FOXN4: variants seen among roughly 807,000 people sequenced by gnomAD.
FOXN4 encodes the protein forkhead box N4.
A neutral mutation model predicts 45.0 loss-of-function variants in FOXN4; 12 were observed. That is an observed-to-expected ratio of 0.27 (90% confidence interval 0.17 to 0.43). The LOEUF (loss-of-function observed/expected upper bound fraction) is 0.43. Among genes scored for constraint, FOXN4 ranks in the 20% least tolerant of loss-of-function variants. FOXN4 has a pLI of 1.00. For synonymous variants in FOXN4, 297 were observed against 295.0 expected (o/e 1.01, Z -0.07); for missense variants, 560 against 694.9 (o/e 0.81, Z 2.18).
chr12:109,284,428 G>A (rs895572306), intron 8 of FOXN4, among the ~76,000 whole-genome samples: 4 of 149,458 alleles, frequency 2.7e-5, no homozygotes, highest in African/African-American at 1.0e-4. Context: ...AGGGGCGCGT[G>A]GTGTGTGTGT....
Position 109,279,567 on chromosome 12 carries a change from G to A in FOXN4, c.*104C>T, listed in dbSNP as rs1376778204. On this transcript the variant is annotated 3_prime_UTR_variant, in exon 10 of 10. Transcript: ENST00000299162. The stretch of plus-strand genomic sequence containing the variant: ...GCAACTTCGCCACAGGTCCAGGAGA[G>A]GCTTCGGGGACAATGAGGGACCTGC... The A allele has an allele frequency of 1.3e-6, 2 of 1,493,582 alleles. No homozygotes were observed. Among genetic ancestry groups the A allele is most frequent in the Admixed American group, 2.0e-5 (1 of 49,002 alleles). The allele number at this position is 1,493,582 out of a possible 1,614,324, so 92.5% of individuals were successfully genotyped here.
chr12:109,298,352 T>G (rs963879176), intron 2 of FOXN4, among the ~76,000 whole-genome samples: 6 of 151,620 alleles, frequency 4.0e-5, no homozygotes, highest in African/African-American at 1.2e-4. Flanking sequence ...TTGTTTTTTT[T>G]TTTTGCTTTG....
chr12:109,308,439 CTTTT>C (rs962005471), intron 1 of FOXN4, 115 bp from the exon 2 acceptor site: 1 of 618,670 alleles, frequency 1.6e-6, no homozygotes, highest in African/African-American at 1.9e-5. Flanking sequence ...TCACAGAACA[CTTTT>C]TTTTTCTTTA....
At chr12:109,296,036 C>T (rs940135446) in intron 2 of FOXN4, among the ~76,000 whole-genome samples, 1 of 152,144 alleles carries the variant, frequency 6.6e-6, no homozygotes, top group Non-Finnish European at 1.5e-5. Flanking sequence ...GATAAGTGCC[C>T]ATCCTCTCCT....
At position 109,288,225 on chromosome 12, in the gene FOXN4, T is replaced by C; in HGVS notation, c.233-45A>G. On this transcript the variant is annotated intron_variant, in intron 3 of 9. Coordinates refer to ENST00000299162, the MANE Select transcript of FOXN4 (RefSeq NM_213596.3). This position sits in a 1 kb window ranked among gnomAD's most constrained non-coding sequence, Gnocchi z 4.3. ...AGACGCTGCTGGGCTGGAGGAATGG[T>C]GGCTGCCACCAGGAACAGCCCAGTG... 4 of 1,532,196 alleles carry C rather than the reference T, an allele frequency of 2.6e-6. No individual in the cohort carries two copies. Among genetic ancestry groups the C allele is most frequent in the Non-Finnish European group, 3.5e-6 (4 of 1,142,948 alleles). 94.9% of individuals were successfully genotyped at this position (1,532,196 alleles called of 1,614,324 possible).
intron 2 of FOXN4, among the ~76,000 whole-genome samples, chr12:109,302,858 C>A (rs1414592105): frequency 6.6e-6 from 1 of 152,208 alleles, no homozygotes; most frequent in Non-Finnish European, 1.5e-5. Flanking sequence ...GAAACTGTTA[C>A]ATCACTGAAA....
intron 2 of FOXN4, among the ~76,000 whole-genome samples, chr12:109,294,768 C>A (rs923114014): frequency 6.6e-5 from 2 of 30,340 alleles, no homozygotes; most frequent in Admixed American, 7.0e-4. Context: ...ATCCCCCAAC[C>A]CCCTGCCCAC....
chr12:109,295,346 C>T (rs1411252236), intron 2 of FOXN4, among the ~76,000 whole-genome samples: 1 of 152,236 alleles, frequency 6.6e-6, no homozygotes, highest in Non-Finnish European at 1.5e-5. Flanking sequence ...CCTCCCAAGG[C>T]CTGTTCTGCT....
At chr12:109,300,780 A>T (rs1285744961) in intron 2 of FOXN4, among the ~76,000 whole-genome samples, 1 of 152,092 alleles carries the variant, frequency 6.6e-6, no homozygotes, top group Non-Finnish European at 1.5e-5. Context: ...ATGGTGATGC[A>T]GGCCTGTGGT....
chr12:109,304,270 AGAAAGAAAGAAAGAAAGAAAGAAAG>A (rs1226832228), intron 2 of FOXN4, among the ~76,000 whole-genome samples: 7,862 of 100,264 alleles, frequency 0.078, 542 homozygotes, highest in Middle Eastern at 0.13. Flanking sequence ...AAAGAAAGAA[AGAAAGAAAGAAAGAAAGAAAGAAAG>A]GAGAAAGAAA....
intron 9 of FOXN4, 132 bp downstream of exon 9, chr12:109,281,275 G>T: frequency 1.5e-6 from 2 of 1,307,346 alleles, no homozygotes; most frequent in Non-Finnish European, 2.1e-6. Flanking sequence ...TGTTCAACTT[G>T]TAAAGGTTGT....
In FOXN4 at chr12:109,287,731, G is replaced by T. The variant is rs1013837639; in HGVS notation, c.468+113C>A. The T allele has an allele frequency of 2.6e-6, 3 of 1,152,214 alleles. No homozygotes were observed. The highest frequency in any genetic ancestry group is 1.6e-5 in the South Asian group (1 of 62,656). The allele number at this position is 1,152,214 out of a possible 1,614,324, so 71.4% of individuals were successfully genotyped here. Reference sequence around the variant, plus strand: ...AATGACCCCATGACATGAGCATGGAGGGAATGTTATCCCCATGTGCTGGGT... The same window carrying T: ...AATGACCCCATGACATGAGCATGGATGGAATGTTATCCCCATGTGCTGGGT... On this transcript the variant is annotated intron_variant, in intron 5 of 9. Transcript: ENST00000299162. This position sits in a 1 kb window ranked among gnomAD's most constrained non-coding sequence, Gnocchi z 4.1.
intron 8 of FOXN4, among the ~76,000 whole-genome samples, chr12:109,284,587 GCT>G (rs1491169109): frequency 6.7e-6 from 1 of 149,938 alleles, no homozygotes; most frequent in African/African-American, 2.5e-5. Flanking sequence ...GTGTGTGCGC[GCT>G]GTGGGCTGTC....
chr12:109,295,732 G>T (rs1220725099), intron 2 of FOXN4, among the ~76,000 whole-genome samples: 1 of 152,242 alleles, frequency 6.6e-6, no homozygotes, highest in Non-Finnish European at 1.5e-5. Flanking sequence ...GTTGCAGTGA[G>T]CCAAGATCAT....
intron 2 of FOXN4, among the ~76,000 whole-genome samples, chr12:109,302,541 T>C (rs1413448427): frequency 6.6e-6 from 1 of 152,226 alleles, no homozygotes; most frequent in Non-Finnish European, 1.5e-5. Flanking sequence ...GTGCTGCAGT[T>C]TCCTCATAAG....
intron 2 of FOXN4, among the ~76,000 whole-genome samples, chr12:109,301,113 G>A (rs2047864945): frequency 1.3e-5 from 2 of 152,126 alleles, no homozygotes; most frequent in African/African-American, 2.4e-5. Flanking sequence ...TGTGTTGCTG[G>A]AGGGAGGAAA....
chr12:109,279,678 A>G lies in FOXN4; in HGVS notation c.1547T>C (p.Leu516Pro). The change falls in exon 10 of 10, where the codon CTG becomes CCG. Residue 516 changes from leucine (L) to proline (P), a missense_variant. By Grantham distance (98) the Leu-to-Pro change is moderately conservative (BLOSUM62 -3). This residue lies in a region of FOXN4 where 315 missense variants were observed against 350.5 expected (regional missense o/e 0.90). Coordinates refer to ENST00000299162, the MANE Select transcript of FOXN4 (RefSeq NM_213596.3). ...GCAGGTGAGGCTGACAGCTCAAAGCAGGGCTATAGGCTTGTTCCCCTGTGC... is the reference window on the plus strand; with the variant it reads ...GCAGGTGAGGCTGACAGCTCAAAGCGGGGCTATAGGCTTGTTCCCCTGTGC... Reference protein sequence around the residue: ...LGAQGNKPIALL With the variant: ...LGAQGNKPIAPL The G allele has an allele frequency of 2.5e-6, 4 of 1,573,950 alleles. No homozygotes were observed. Among genetic ancestry groups the G allele is most frequent in the Non-Finnish European group, 3.4e-6 (4 of 1,159,806 alleles).
chr12:109,283,396 G>A (rs764584947), intron 8 of FOXN4, among the ~76,000 whole-genome samples: 21 of 151,904 alleles, frequency 1.4e-4, no homozygotes, highest in Admixed American at 2.6e-4. Flanking sequence ...AAGTGAATAT[G>A]GATATATATG....
At chr12:109,285,594 G>A (rs2047702394) in intron 7 of FOXN4, 83 bp from the exon 8 acceptor site, 2 of 1,402,692 alleles carry the variant, frequency 1.4e-6, no homozygotes, top group African/African-American at 1.4e-5. Context: ...GCCTATAGGG[G>A]CAGGACACCG....
Sources: allele counts gnomAD v4.1 joint callset (sites outside exome capture counted in the v4.1 genomes callset), GRCh38; gene constraint gnomAD v4.1.1; regional missense constraint gnomAD v4.1.1; non-coding constraint Gnocchi (gnomAD v3.1); transcripts MANE v1.5; gene names NCBI Gene and HGNC (gene_info 2026-07-23, HGNC 2026-07-21).